The following PCDHGA6 variants were observed in gnomAD, a reference collection of about 807,000 sequenced individuals.
PCDHGA6 encodes the protein protocadherin gamma-A6.
A neutral mutation model predicts 60.6 loss-of-function variants in PCDHGA6; 41 were observed. That is an observed-to-expected ratio of 0.68 (90% CI 0.53 to 0.88). The LOEUF (loss-of-function observed/expected upper bound fraction) is 0.88. Among genes scored for constraint, PCDHGA6 ranks in the 40% least tolerant of loss-of-function variants. The pLI, the probability that PCDHGA6 is intolerant of heterozygous loss-of-function variation, is 0.00. For synonymous variants in PCDHGA6, 594 were observed against 524.4 expected, an observed-to-expected ratio of 1.13 and a Z score of -1.81; for missense variants, 1,312 against 1,203.0, an observed-to-expected ratio of 1.09 and a Z score of -1.34.
chr5:141,430,655 G>C (rs1309165721), intron 1 of PCDHGA6: 2 of 1,085,056 alleles, frequency 1.8e-6, no homozygotes, highest in Non-Finnish European at 2.6e-6. Flanking sequence ...TGGAAACAAC[G>C]GAGGAGCTCT....
At chr5:141,422,645 TCTCAGTGAC>T in intron 1 of PCDHGA6, 2 of 1,612,232 alleles carry the variant, frequency 1.2e-6, no homozygotes, top group Non-Finnish European at 1.7e-6. Flanking sequence ...GCCTCCATCT[TCTCAGTGAC>T]CGCCCTCGAC....
chr5:141,470,622 A>G (rs1323376824), intron 1 of PCDHGA6, among the ~76,000 whole-genome samples: 6 of 152,336 alleles, frequency 3.9e-5, no homozygotes, highest in Admixed American at 6.5e-5. Flanking sequence ...CTTCATGCTT[A>G]GATAGGCCCC....
In PCDHGA6 at chr5:141,487,608, G is replaced by T; in HGVS notation, c.2425-7199G>T. 1 of 1,614,182 alleles carries T rather than the reference G, an allele frequency of 6.2e-7. No individual in the cohort carries two copies. The highest frequency in any genetic ancestry group is 8.5e-7 in the Non-Finnish European group (1 of 1,180,042). On this transcript the variant is annotated intron_variant, in intron 1 of 3. Coordinates refer to ENST00000517434, the MANE Select transcript of PCDHGA6 (RefSeq NM_018919.3). The surrounding 1 kb of genome is among the most constrained non-coding windows in gnomAD (Gnocchi z 5.0). ...TGCCCACCCTCTGATCTTCTCTATG[G>T]GCTAGAGGTGAGACCTTTGCAGGCT...
chr5:141,499,223 C>T (rs1478344280), intron 2 of PCDHGA6, among the ~76,000 whole-genome samples: 2 of 152,112 alleles, frequency 1.3e-5, no homozygotes, highest in African/African-American at 4.8e-5. Context: ...CCCTGCCCTG[C>T]AGCTGTCCCC....
chr5:141,422,485 A>G, intron 1 of PCDHGA6: 2 of 1,613,980 alleles, frequency 1.2e-6, no homozygotes, highest in Non-Finnish European at 1.7e-6. Context: ...CCAGAGCTAC[A>G]ATATAACGTT....
chr5:141,494,790 C>A lies in PCDHGA6; in HGVS notation c.2425-17C>A, dbSNP rs909145. 17 of 1,614,014 alleles carry A rather than the reference C, an allele frequency of 1.1e-5. 1 individual carries two copies. The South Asian group carries it at 1.9e-4, about 18-fold the overall frequency. ...TCTCACGGGTACTCAGCCCCTTTCC[C>A]TCTGTTTTCTCCACAGCAAGCCCCG... On this transcript the variant is annotated splice_polypyrimidine_tract_variant and intron_variant, in intron 1 of 3. Transcript: ENST00000517434.
In PCDHGA6 at chr5:141,409,485, G is replaced by A. The variant is rs374642418; in HGVS notation, c.2424+32978G>A. On this transcript the variant is annotated intron_variant, in intron 1 of 3. Coordinates refer to ENST00000517434, the MANE Select transcript of PCDHGA6 (RefSeq NM_018919.3). ...GTCACCATCGTAGCCACTGACAGGG[G>A]CAAGCCGCCTCTTTCTTCCAGTAGA... 9.9e-6 allele frequency: 16 copies of A among 1,613,856 alleles called. No homozygotes were observed. Among genetic ancestry groups the A allele is most frequent in the African/African-American group, 9.3e-5 (7 of 74,934 alleles).
At position 141,402,613 on chromosome 5, in the gene PCDHGA6, A is replaced by G. The variant is rs145557523; in HGVS notation, c.2424+26106A>G. Among the ~76,000 whole-genome samples the G allele has an allele frequency of 3.8e-3, 581 of 152,376 alleles. 6 individuals are homozygous for G. Among genetic ancestry groups the G allele is most frequent in the Admixed American group, 0.011 (170 of 15,298 alleles). The stretch of plus-strand genomic sequence containing the variant: ...AGATTGCTTTTGAAATACAAATGCA[A>G]GAAACAATTGGAGAAATCTAAAATC... On this transcript the variant is annotated intron_variant, in intron 1 of 3. Coordinates refer to ENST00000517434, the MANE Select transcript of PCDHGA6 (RefSeq NM_018919.3).
Position 141,477,662 on chromosome 5 carries a change from A to G in PCDHGA6, c.2425-17145A>G. On this transcript the variant is annotated intron_variant, in intron 1 of 3. Transcript: ENST00000517434. The surrounding 1 kb of genome is among the most constrained non-coding windows in gnomAD (Gnocchi z 4.9). ...TCGCTATTTCACAATAAATCGTGAC[A>G]ATGGCATAGTGTCATCCTTAGTGCC... The G allele has an allele frequency of 6.2e-7, 1 of 1,614,222 alleles. No individual in the cohort carries two copies.
chr5:141,379,889 C>CTTTT lies in PCDHGA6; in HGVS notation c.2424+3409_2424+3412dup, dbSNP rs70988800. ...CTTATTTTATGGTCTGTGAAAGCCT[C>CTTTT]TTTTTTTTTTTTTTTTTTTTTTTTT... is the stretch of plus-strand genomic sequence containing the variant. On this transcript the variant is annotated intron_variant, in intron 1 of 3. Transcript: ENST00000517434. Among the ~76,000 whole-genome samples, 383 of 50,836 alleles carry CTTTT rather than the reference C, an allele frequency of 7.5e-3. 64 individuals are homozygous for CTTTT. The highest frequency in any genetic ancestry group is 9.2e-3 in the Non-Finnish European group (239 of 25,888). 33.4% of individuals were successfully genotyped at this position (50,836 alleles called of 152,430 possible). A position where few individuals can be genotyped will look rare whatever the true frequency, so the allele number is the denominator to read the frequency against.
At chr5:141,452,281 T>G (rs948141174) in intron 1 of PCDHGA6, among the ~76,000 whole-genome samples, 2 of 152,232 alleles carry the variant, frequency 1.3e-5, no homozygotes, top group Non-Finnish European at 2.9e-5. Flanking sequence ...CCTTTCTTAC[T>G]TTCTGATATA....
chr5:141,481,970 A>G (rs2099549884), intron 1 of PCDHGA6, among the ~76,000 whole-genome samples: 1 of 151,510 alleles, frequency 6.6e-6, no homozygotes, highest in Non-Finnish European at 1.5e-5. Flanking sequence ...CTGTAGTCAC[A>G]GCTACTTGGG....
chr5:141,374,236 T>C lies in PCDHGA6; in HGVS notation c.153T>C (p.Asp51=). The C allele has an allele frequency of 6.2e-7, 1 of 1,613,974 alleles. No individual in the cohort carries two copies. Among genetic ancestry groups the C allele is most frequent in the Non-Finnish European group, 8.5e-7 (1 of 1,179,904 alleles). Residue 51 remains aspartate (D), a synonymous_variant, in exon 1 of 4, where the codon GAT becomes GAC. Transcript: ENST00000517434. ...KGSFVGNIVK[D]LGLEPQELAE... Reference sequence around the variant, plus strand: ...CCTTCGTAGGCAACATCGTCAAGGATCTGGGACTGGAGCCCCAGGAGTTGG... The same window carrying C: ...CCTTCGTAGGCAACATCGTCAAGGACCTGGGACTGGAGCCCCAGGAGTTGG...
At position 141,418,775 on chromosome 5, in the gene PCDHGA6, C is replaced by T. The variant is rs773519128; in HGVS notation, c.2424+42268C>T. 4 of 1,613,764 alleles carry T rather than the reference C, an allele frequency of 2.5e-6. No individual in the cohort carries two copies. In the East Asian group the frequency reaches 6.7e-5, roughly 27 times the overall value. ...TACAGGAAACATTCTAACTCAGCAG[C>T]CTTTGGATTTTGAAGAAGTAGAAAG... On this transcript the variant is annotated intron_variant, in intron 1 of 3. Transcript: ENST00000517434.
chr5:141,385,498 T>C, intron 1 of PCDHGA6: 2 of 1,386,236 alleles, frequency 1.4e-6, no homozygotes, highest in Non-Finnish European at 1.9e-6. Context: ...TAGGATATAG[T>C]ATTTCTTTAG....
chr5:141,403,384 A>C lies in PCDHGA6; in HGVS notation c.2424+26877A>C, dbSNP rs201959000. 4.4e-4 allele frequency: 703 copies of C among 1,614,030 alleles called. No homozygotes were observed. Among genetic ancestry groups the C allele is most frequent in the Non-Finnish European group, 5.5e-4 (652 of 1,179,890 alleles). ...AAAGTCTGGAAGTAAAAATTAACGA[A>C]ATCGCGGTTCCTGGAGCACGTTATC... On this transcript the variant is annotated intron_variant, in intron 1 of 3. Coordinates refer to ENST00000517434, the MANE Select transcript of PCDHGA6 (RefSeq NM_018919.3).
chr5:141,410,215 A>G (rs2095369286), intron 1 of PCDHGA6: 11 of 1,613,894 alleles, frequency 6.8e-6, no homozygotes, highest in Non-Finnish European at 8.5e-6. Flanking sequence ...TGCAAGAGAT[A>G]CTGCCAGACC....
At chr5:141,387,920 G>A in intron 1 of PCDHGA6, 12 of 1,481,924 alleles carry the variant, frequency 8.1e-6, no homozygotes, top group Non-Finnish European at 1.1e-5. Context: ...GCCGGGCTGA[G>A]AGGCTGCCAG....
intron 1 of PCDHGA6, chr5:141,409,203 T>C: frequency 1.2e-6 from 2 of 1,613,964 alleles, no homozygotes; most frequent in Non-Finnish European, 1.7e-6. Flanking sequence ...TGTAAAGTAA[T>C]CATAGAAATC....
Sources: allele counts gnomAD v4.1 joint callset (sites outside exome capture counted in the v4.1 genomes callset), GRCh38; gene constraint gnomAD v4.1.1; non-coding constraint Gnocchi (gnomAD v3.1); transcripts MANE v1.5; gene names NCBI Gene and HGNC (gene_info 2026-07-23, HGNC 2026-07-21).